SRPRA: variants seen among roughly 807,000 people sequenced by gnomAD.
SRPRA encodes the protein signal recognition particle receptor subunit alpha.
A neutral mutation model predicts 61.1 loss-of-function variants in SRPRA; 30 were observed. The ratio of observed to expected loss-of-function variants is 0.49; its 90% CI spans 0.37 to 0.67. SRPRA has a LOEUF of 0.67. Among genes scored for constraint, SRPRA ranks in the 30% least tolerant of loss-of-function variants. The pLI is 0.00. For synonymous variants in SRPRA, 324 were observed against 299.7 expected, an observed-to-expected ratio of 1.08 and a Z score of -0.84; for missense variants, 759 against 828.4, an observed-to-expected ratio of 0.92 and a Z score of 1.03.
In SRPRA at chr11:126,265,832, A is replaced by G. The variant is rs751743215; in HGVS notation, c.1052-9T>C. 2.5e-6 allele frequency: 4 copies of G among 1,614,044 alleles called. No individual in the cohort carries two copies. In the African/African-American group the frequency reaches 4.0e-5, roughly 16 times the overall value. ...TGCAGCCACGTTCTTAGCTGAGGAGAGGGGGACAGGTATGTCAGTTCCATG... is the reference window on the plus strand; with the variant it reads ...TGCAGCCACGTTCTTAGCTGAGGAGGGGGGGACAGGTATGTCAGTTCCATG... On this transcript the variant is annotated splice_polypyrimidine_tract_variant and intron_variant, in intron 8 of 13. Coordinates refer to ENST00000332118, the MANE Select transcript of SRPRA (RefSeq NM_003139.4). This position sits in a 1 kb window ranked among gnomAD's most constrained non-coding sequence, Gnocchi z 6.3.
chr11:126,256,519 C>T, the SRPRA span: 1 of 1,577,596 alleles, frequency 6.3e-7, no homozygotes, highest in African/African-American at 1.4e-5. The surrounding 1 kb of genome is among the most constrained non-coding windows in gnomAD (Gnocchi z 6.6). Context: ...TCAGACTTGC[C>T]TTGAGTGTGT....
In SRPRA at chr11:126,266,913, C is replaced by T; in HGVS notation, c.536G>A (p.Gly179Asp). 6.2e-6 allele frequency: 10 copies of T among 1,612,798 alleles called. No individual in the cohort carries two copies. The highest frequency in any genetic ancestry group is 8.5e-6 in the Non-Finnish European group (10 of 1,179,656). ...KKGAKKEGSDGPLATSKPVPA... is the reference protein window; with the variant it reads ...KKGAKKEGSDDPLATSKPVPA... ...GACTGGTTTGCTGGTAGCCAAAGGA[C>T]CATCAGAACCTGTTGGGGAAAAAAC... The change falls in exon 5 of 14, where the codon GGT (glycine) becomes GAT (aspartate). Residue 179 changes from glycine to aspartate, a missense_variant. Physicochemically the swap from Gly to Asp is moderately conservative, Grantham distance 94 (BLOSUM62 -1). Transcript: ENST00000332118.
chr11:126,250,503 C>T, the SRPRA span: 2 of 1,608,074 alleles, frequency 1.2e-6, no homozygotes, highest in Non-Finnish European at 1.7e-6. The surrounding 1 kb of genome is among the most constrained non-coding windows in gnomAD (Gnocchi z 5.1). Context: ...AATCCCTCCT[C>T]AGCGTACCAG....
the SRPRA span, among the ~76,000 whole-genome samples, chr11:126,252,106 C>T: frequency 3.3e-5 from 5 of 152,140 alleles, no homozygotes; most frequent in South Asian, 2.1e-4. The surrounding 1 kb of genome is among the most constrained non-coding windows in gnomAD (Gnocchi z 4.7). Context: ...CCTGCCTCAG[C>T]GTCCCGAATA....
At chr11:126,241,635 C>T in the SRPRA span, among the ~76,000 whole-genome samples, 7 of 151,896 alleles carry the variant, frequency 4.6e-5, no homozygotes, top group Non-Finnish European at 7.4e-5. Context: ...TGGCAGCCTC[C>T]GCCTCCTGGG....
In SRPRA at chr11:126,265,574, C is replaced by CT; in HGVS notation, c.1139-135_1139-134insA. 8.2e-7 allele frequency: 1 copy of CT among 1,213,462 alleles called. No individual in the cohort carries two copies. Among genetic ancestry groups the CT allele is most frequent in the East Asian group, 2.5e-5 (1 of 39,896 alleles). The allele number at this position is 1,213,462 out of a possible 1,614,324, so 75.2% of individuals were successfully genotyped here. A position where few individuals can be genotyped will look rare whatever the true frequency, so the allele number is the denominator to read the frequency against. ...GTCCCAGAAATCCAGAACAGACGCA[C>CT]ATTACAAGGACTAACTCACTGAATC... On this transcript the variant is annotated intron_variant, in intron 9 of 13. Coordinates refer to ENST00000332118, the MANE Select transcript of SRPRA (RefSeq NM_003139.4). The surrounding 1 kb of genome is among the most constrained non-coding windows in gnomAD (Gnocchi z 6.3).
rs773698050 is a variant in SRPRA, at chr11:126,267,143, T to C, written c.526+32A>G. 3.0e-5 allele frequency: 48 copies of C among 1,613,142 alleles called. No homozygotes were observed. Among genetic ancestry groups the C allele is most frequent in the Non-Finnish European group, 3.9e-5 (46 of 1,179,786 alleles). On this transcript the variant is annotated intron_variant, in intron 4 of 13. Coordinates refer to ENST00000332118, the MANE Select transcript of SRPRA (RefSeq NM_003139.4). This position sits in a 1 kb window ranked among gnomAD's most constrained non-coding sequence, Gnocchi z 4.2. Reference sequence around the variant, plus strand: ...CTTAGCACCGTGTTAACACCTTTCATGTCCCAGTATATCCAAAGAACTCAA... The same window carrying C: ...CTTAGCACCGTGTTAACACCTTTCACGTCCCAGTATATCCAAAGAACTCAA...
downstream of SRPRA, among the ~76,000 whole-genome samples, chr11:126,259,465 C>T (rs1187489854): frequency 3.5e-5 from 5 of 141,348 alleles, no homozygotes; most frequent in East Asian, 4.7e-4. Flanking sequence ...CTCGCTCTGA[C>T]GCCAGGCTGG....
At position 126,266,494 on chromosome 11, in the gene SRPRA, C is replaced by A. The variant is rs377606878; in HGVS notation, c.822G>T (p.Leu274Phe). 8 of 1,613,840 alleles carry A rather than the reference C, an allele frequency of 5.0e-6. No individual in the cohort carries two copies. Among genetic ancestry groups the A allele is most frequent in the Non-Finnish European group, 6.8e-6 (8 of 1,179,896 alleles). Residue 274 changes from leucine (L) to phenylalanine (F), a missense_variant, in exon 6 of 14, where the codon TTG becomes TTT. By Grantham distance (22) the Leu-to-Phe change is conservative (BLOSUM62 0). This residue lies in a region of SRPRA where 475 missense variants were observed against 462.5 expected (regional missense o/e 1.03). Transcript: ENST00000332118. ...CTCTTACCAGGTTGATGTCCTCAGA[C>A]AAGGCAGCCTCAGGGGTTCCATTGG... ...PTTNGTPEAA[L>F]SEDINLIRGT...
chr11:126,246,884 C>A, the SRPRA span, among the ~76,000 whole-genome samples: 4 of 152,140 alleles, frequency 2.6e-5, no homozygotes, highest in Non-Finnish European at 5.9e-5. Context: ...GTTTTCATTC[C>A]TTTGTCTTTG....
At position 126,266,477 on chromosome 11, in the gene SRPRA, A is replaced by T. The variant is rs201818150; in HGVS notation, c.839T>A (p.Leu280Gln). The T allele has an allele frequency of 6.2e-7, 1 of 1,613,510 alleles. No individual in the cohort carries two copies. The highest frequency in any genetic ancestry group is 1.3e-5 in the African/African-American group (1 of 75,036). Residue 280 changes from leucine to glutamine, a missense_variant and splice_region_variant, in exon 6 of 14, where the codon CTG becomes CAG. By Grantham distance (113) the Leu-to-Gln change is moderately radical. Coordinates refer to ENST00000332118, the MANE Select transcript of SRPRA (RefSeq NM_003139.4). ...PEAALSEDIN[L>Q]IRGTGSGGQL... is the part of the protein sequence containing the mutation. ...ACTTTGACCCCTGTTACCTCTTACC[A>T]GGTTGATGTCCTCAGACAAGGCAGC...
chr11:126,268,764 A>G lies in SRPRA; in HGVS notation c.41T>C (p.Val14Ala), dbSNP rs1446021454. 4 of 1,613,858 alleles carry G rather than the reference A, an allele frequency of 2.5e-6. No individual in the cohort carries two copies. The highest frequency in any genetic ancestry group is 3.4e-6 in the Non-Finnish European group (4 of 1,180,040). The change falls in exon 1 of 14, where the codon GTG becomes GCG. Residue 14 changes from valine to alanine, a missense_variant. This residue lies in a region of SRPRA where 475 missense variants were observed against 462.5 expected (regional missense o/e 1.03). Transcript: ENST00000332118. ...FFTIFSKGGL[V>A]LWCFQGVSDS... The stretch of plus-strand genomic sequence containing the variant: ...GCTAACGCCCTGGAAGCACCAGAGC[A>G]CAAGCCCGCCCTTGGAGAAAATGGT...
At chr11:126,250,815 G>A in the SRPRA span, 19 of 1,113,370 alleles carry the variant, frequency 1.7e-5, no homozygotes, top group African/African-American at 4.8e-5. This position sits in a 1 kb window ranked among gnomAD's most constrained non-coding sequence, Gnocchi z 5.1. Flanking sequence ...TTGGTATATT[G>A]GTATTTATGT....
downstream of SRPRA, among the ~76,000 whole-genome samples, chr11:126,258,923 C>A (rs1270321788): frequency 1.3e-5 from 2 of 152,116 alleles, no homozygotes; most frequent in African/African-American, 4.8e-5. Context: ...CTCTAAGGAA[C>A]CTTAACTGCT....
the SRPRA span, chr11:126,240,916 G>T: frequency 1.2e-6 from 2 of 1,614,198 alleles, no homozygotes; most frequent in Non-Finnish European, 1.7e-6. Flanking sequence ...GTTAATTCAG[G>T]CCTTACTGGA....
chr11:126,261,076 T>C, downstream of SRPRA: 1 of 205,448 alleles, frequency 4.9e-6, no homozygotes, highest in Non-Finnish European at 9.9e-6. Context: ...CATTTGCCCA[T>C]CCCTGGTGAG....
downstream of SRPRA, chr11:126,261,465 A>G (rs1277101779): frequency 6.2e-7 from 1 of 1,613,780 alleles, no homozygotes; most frequent in East Asian, 2.2e-5. Flanking sequence ...GCTCATCTGC[A>G]GCACACAGTG....
rs141978368 is a variant in SRPRA at position 126,267,038 on chromosome 11, T to C, written c.527-116A>G. On this transcript the variant is annotated intron_variant, in intron 4 of 13. Coordinates refer to ENST00000332118, the MANE Select transcript of SRPRA (RefSeq NM_003139.4). The surrounding 1 kb of genome is among the most constrained non-coding windows in gnomAD (Gnocchi z 4.2). ...TTTGGACCAAACATCTTGGAGTTCATAAGGCCTGGGGATTATAGGATGGTG... is the reference window on the plus strand; with the variant it reads ...TTTGGACCAAACATCTTGGAGTTCACAAGGCCTGGGGATTATAGGATGGTG... The C allele has an allele frequency of 2.7e-4, 408 of 1,525,232 alleles. No individual in the cohort carries two copies. In the African/African-American group the frequency reaches 4.4e-3, roughly 16 times the overall value. The allele number at this position is 1,525,232 out of a possible 1,614,324, so 94.5% of individuals were successfully genotyped here.
chr11:126,244,241 C>G, the SRPRA span, among the ~76,000 whole-genome samples: 4 of 152,046 alleles, frequency 2.6e-5, no homozygotes, highest in East Asian at 3.9e-4. The surrounding 1 kb of genome is among the most constrained non-coding windows in gnomAD (Gnocchi z 4.5). Context: ...TGTTCTAGAC[C>G]GGGCAGTTAA....
Sources: gnomAD v4.1 joint callset for allele counts (sites outside exome capture counted in the v4.1 genomes callset) on GRCh38, gnomAD v4.1.1 for gene constraint, gnomAD v4.1.1 regional missense constraint, Gnocchi (gnomAD v3.1) non-coding constraint, MANE v1.5 for transcripts, NCBI Gene and HGNC (gene_info 2026-07-23, HGNC 2026-07-21) for gene names.